Variants in KCNIP1 observed in about 807,000 individuals in gnomAD.
The protein encoded by KCNIP1 is potassium voltage-gated channel interacting protein 1, also known as A-type potassium channel modulatory protein KCNIP1.
A neutral mutation model predicts 33.0 loss-of-function variants in KCNIP1; 18 were observed. That is an observed-to-expected ratio of 0.55 (90% CI 0.38 to 0.81). The LOEUF is 0.81. Among genes scored for constraint, KCNIP1 ranks in the 30% least tolerant of loss-of-function variants. The pLI is 0.00. For missense variants in KCNIP1, 238 were observed against 271.6 expected (o/e 0.88, Z 0.87); for synonymous variants, 93 against 98.3 (o/e 0.95, Z 0.32).
At chr5:170,502,551 A>G (rs1341165963), upstream of KCNIP1, among the ~76,000 whole-genome samples, 2 of 151,968 alleles carry the variant, frequency 1.3e-5, no homozygotes, top group Non-Finnish European at 2.9e-5. Context: ...GTGTCTCTCC[A>G]CCTTCGTGGG....
At chr5:170,519,343 G>A (rs1055571022) in intron 1 of KCNIP1, among the ~76,000 whole-genome samples, 4 of 152,260 alleles carry the variant, frequency 2.6e-5, no homozygotes, top group Admixed American at 6.5e-5. Flanking sequence ...TGGTGCCAGC[G>A]GGGTTGTTGA....
intron 1 of KCNIP1, among the ~76,000 whole-genome samples, chr5:170,599,305 C>T (rs1344110820): frequency 6.6e-6 from 1 of 152,060 alleles, no homozygotes; most frequent in Non-Finnish European, 1.5e-5. Context: ...CGCAGCACAC[C>T]GTGCATCCCT....
intron 1 of KCNIP1, among the ~76,000 whole-genome samples, chr5:170,409,255 T>C (rs539803246): frequency 6.6e-6 from 1 of 152,278 alleles, no homozygotes; most frequent in Admixed American, 6.5e-5. Flanking sequence ...GTCACCACTG[T>C]CCTCCTTGGC....
At chr5:170,634,888 T>C (rs1032057343) in intron 1 of KCNIP1, among the ~76,000 whole-genome samples, 1 of 152,244 alleles carries the variant, frequency 6.6e-6, no homozygotes, top group Admixed American at 6.5e-5. Flanking sequence ...AACCCTTAAA[T>C]CACAAACTAG....
intron 1 of KCNIP1, among the ~76,000 whole-genome samples, chr5:170,466,422 A>T (rs1756609699): frequency 6.6e-6 from 1 of 152,212 alleles, no homozygotes; most frequent in South Asian, 2.1e-4. Context: ...ATCTGCAAAG[A>T]GATGGTAATA....
At chr5:170,645,072 G>A (rs142668874) in intron 1 of KCNIP1, among the ~76,000 whole-genome samples, 39 of 152,310 alleles carry the variant, frequency 2.6e-4, no homozygotes, top group African/African-American at 7.7e-4. Context: ...AAGGATAGGT[G>A]TAGATCAGCA....
In KCNIP1 at chr5:170,544,123, C is replaced by T. The variant is rs533548416; in HGVS notation, c.61+39490C>T. On this transcript the variant is annotated intron_variant, in intron 1 of 7. Transcript: ENST00000328939. ...ACTTAGTTGTCAAATTCAAGATAAC[C>T]GACAAGAGACCGGGCGTGGTGGCTC... 3.0e-4 allele frequency among the ~76,000 whole-genome samples: 45 copies of T among 152,114 alleles called. No individual in the cohort carries two copies. In the South Asian group the frequency reaches 7.9e-3, roughly 27 times the overall value.
intron 1 of KCNIP1, among the ~76,000 whole-genome samples, chr5:170,585,770 G>T (rs1200678754): frequency 1.3e-5 from 2 of 152,198 alleles, no homozygotes; most frequent in Non-Finnish European, 2.9e-5. Context: ...TCGCTGAGTG[G>T]CACATGACAG....
At chr5:170,494,706 G>C (rs1364935027) in intron 1 of KCNIP1, among the ~76,000 whole-genome samples, 1 of 152,210 alleles carries the variant, frequency 6.6e-6, no homozygotes, top group African/African-American at 2.4e-5. Context: ...TCCTGGGAGG[G>C]AGGATGACAG....
intron 1 of KCNIP1, among the ~76,000 whole-genome samples, chr5:170,370,077 C>T (rs1763802456): frequency 6.6e-6 from 1 of 151,946 alleles, no homozygotes; most frequent in African/African-American, 2.4e-5. Context: ...GTCAGGGTAC[C>T]CCTAGAAATG....
chr5:170,614,849 G>A (rs920325761), intron 1 of KCNIP1, among the ~76,000 whole-genome samples: 7 of 152,214 alleles, frequency 4.6e-5, no homozygotes, highest in Admixed American at 6.5e-5. Flanking sequence ...TGAGGGCAAG[G>A]CCTGTTTCTC....
intron 1 of KCNIP1, among the ~76,000 whole-genome samples, chr5:170,355,806 T>C (rs904349758): frequency 5.9e-5 from 9 of 152,210 alleles, no homozygotes; most frequent in Non-Finnish European, 1.3e-4. Flanking sequence ...CAGAAGGGAC[T>C]CCGTGGGGAC....
At chr5:170,727,974 A>G (rs939431255) in intron 5 of KCNIP1, among the ~76,000 whole-genome samples, 1 of 152,220 alleles carries the variant, frequency 6.6e-6, no homozygotes, top group Non-Finnish European at 1.5e-5. Flanking sequence ...AGAAATGCAC[A>G]TGACTAACAT....
intron 1 of KCNIP1, among the ~76,000 whole-genome samples, chr5:170,585,331 C>T (rs986269655): frequency 6.6e-6 from 1 of 152,062 alleles, no homozygotes; most frequent in African/African-American, 2.4e-5. Context: ...TGTCCAGGGT[C>T]ATCAGTGAGT....
chr5:170,648,521 G>A (rs1448356729), intron 1 of KCNIP1, among the ~76,000 whole-genome samples: 2 of 152,162 alleles, frequency 1.3e-5, no homozygotes, highest in Non-Finnish European at 2.9e-5. Flanking sequence ...AGTGAAAAAA[G>A]CCAATCATGC....
intron 1 of KCNIP1, among the ~76,000 whole-genome samples, chr5:170,615,700 G>A (rs11134640): frequency 0.17 from 25,426 of 152,116 alleles, 2,281 homozygotes; most frequent in Middle Eastern, 0.24. Flanking sequence ...TGCTGTCCTT[G>A]CATTCAGACC....
chr5:170,720,776 C>G (rs1447260271), intron 3 of KCNIP1, among the ~76,000 whole-genome samples: 2 of 152,242 alleles, frequency 1.3e-5, no homozygotes, highest in African/African-American at 2.4e-5. Context: ...TTTTGCCATG[C>G]TGGCACCACC....
intron 1 of KCNIP1, among the ~76,000 whole-genome samples, chr5:170,433,406 C>T (rs541171781): frequency 6.6e-6 from 1 of 152,230 alleles, no homozygotes; most frequent in African/African-American, 2.4e-5. Flanking sequence ...AGGCTGGTCT[C>T]GGACCCCTGA....
intron 1 of KCNIP1, among the ~76,000 whole-genome samples, chr5:170,445,032 A>G (rs1224664057): frequency 6.6e-6 from 1 of 152,140 alleles, no homozygotes; most frequent in Non-Finnish European, 1.5e-5. Context: ...TTATTAATCC[A>G]TTTTTTCAAT....
Sources: gnomAD v4.1 joint callset for allele counts (sites outside exome capture counted in the v4.1 genomes callset) on GRCh38, gnomAD v4.1.1 for gene constraint, MANE v1.5 for transcripts, NCBI Gene and HGNC (gene_info 2026-07-23, HGNC 2026-07-21) for gene names.